Variants in ATL1 observed in about 807,000 individuals in gnomAD.
ATL1 encodes the protein atlastin-1.
A neutral mutation model predicts 75.5 loss-of-function variants in ATL1; 31 were observed. That is an observed-to-expected ratio of 0.41 (90% CI 0.31 to 0.55). ATL1 has a LOEUF of 0.55. Among genes scored for constraint, ATL1 ranks in the 20% least tolerant of loss-of-function variants. The probability of loss-of-function intolerance (pLI) is 0.27; values close to 1 mark genes in which losing one functional copy is unlikely to be tolerated. For synonymous variants in ATL1, 226 were observed against 233.3 expected (o/e 0.97, Z 0.28); for missense variants, 405 against 662.6 (o/e 0.61, Z 4.27).
chr14:50,535,920 A>G (rs1402403166), intron 1 of ATL1, among the ~76,000 whole-genome samples: 1 of 152,180 alleles, frequency 6.6e-6, no homozygotes, highest in African/African-American at 2.4e-5. Context: ...TTTTCATGAT[A>G]GTGAATAACT....
At chr14:50,590,607 A>G (rs1220733409) in intron 2 of ATL1, among the ~76,000 whole-genome samples, 1 of 152,156 alleles carries the variant, frequency 6.6e-6, no homozygotes, top group Non-Finnish European at 1.5e-5. Flanking sequence ...CTATGCTACC[A>G]TTTATGCATT....
chr14:50,632,363 G>A lies in ATL1; in HGVS notation c.*24G>A. The A allele has an allele frequency of 1.4e-6, 2 of 1,444,810 alleles. No individual in the cohort carries two copies. The highest frequency in any genetic ancestry group is 1.9e-6 in the Non-Finnish European group (2 of 1,027,724). 89.5% of individuals were successfully genotyped at this position (1,444,810 alleles called of 1,614,324 possible). A position where few individuals can be genotyped will look rare whatever the true frequency, so the allele number is the denominator to read the frequency against. On this transcript the variant is annotated 3_prime_UTR_variant, in exon 14 of 14. Coordinates refer to ENST00000358385, the MANE Select transcript of ATL1 (RefSeq NM_015915.5). ...AATGCAAATTTTAAGAAATACAGGTGCATGACCAATTGTCAATTAAATATT... is the reference window on the plus strand; with the variant it reads ...AATGCAAATTTTAAGAAATACAGGTACATGACCAATTGTCAATTAAATATT...
At chr14:50,627,090 T>G (rs115984249) in intron 11 of ATL1, among the ~76,000 whole-genome samples, 1 of 152,224 alleles carries the variant, frequency 6.6e-6, no homozygotes, top group Non-Finnish European at 1.5e-5. Flanking sequence ...CAAACTTTAC[T>G]GTTGTCATAT....
intron 11 of ATL1, among the ~76,000 whole-genome samples, chr14:50,624,118 G>A (rs551833625): frequency 5.9e-5 from 9 of 151,904 alleles, no homozygotes; most frequent in African/African-American, 2.2e-4. Context: ...GAAGGAAAAT[G>A]TAGTATATGG....
At chr14:50,598,928 G>A (rs2039246555) in intron 6 of ATL1, among the ~76,000 whole-genome samples, 1 of 152,152 alleles carries the variant, frequency 6.6e-6, no homozygotes, top group Admixed American at 6.5e-5. Flanking sequence ...ACTAAATACT[G>A]TAATAGAAGT....
At chr14:50,569,181 C>T (rs912255542) in intron 1 of ATL1, among the ~76,000 whole-genome samples, 2 of 150,616 alleles carry the variant, frequency 1.3e-5, no homozygotes, top group African/African-American at 5.0e-5. Flanking sequence ...ATGGCAAAAC[C>T]CTTTCTCCAC....
intron 1 of ATL1, among the ~76,000 whole-genome samples, chr14:50,574,937 G>GTGTA (rs1475087119): frequency 6.5e-4 from 15 of 23,156 alleles, no homozygotes; most frequent in East Asian, 1.3e-3. Flanking sequence ...GTGTGTGTGT[G>GTGTA]TATATATATA....
At chr14:50,587,077 CTG>C (rs1230293177) in intron 1 of ATL1, among the ~76,000 whole-genome samples, 2 of 152,120 alleles carry the variant, frequency 1.3e-5, no homozygotes, top group Admixed American at 1.3e-4. Flanking sequence ...GCTTGAGAAT[CTG>C]TGATTCTGAG....
chr14:50,549,733 A>G (rs2140158009), intron 1 of ATL1, among the ~76,000 whole-genome samples: 1 of 152,306 alleles, frequency 6.6e-6, no homozygotes, highest in East Asian at 1.9e-4. Flanking sequence ...TTCCACTACC[A>G]TATAACCCAA....
upstream of ATL1, among the ~76,000 whole-genome samples, chr14:50,557,667 T>C (rs572380398): frequency 6.6e-6 from 1 of 152,338 alleles, no homozygotes; most frequent in East Asian, 1.9e-4. Context: ...ATGTTTATAT[T>C]TTCATACTAT....
chr14:50,629,626 T>C (rs1465428780), intron 12 of ATL1, among the ~76,000 whole-genome samples: 2 of 148,786 alleles, frequency 1.3e-5, no homozygotes, highest in African/African-American at 2.5e-5. Flanking sequence ...CTTTATAACA[T>C]AATTGTAACG....
intron 10 of ATL1, among the ~76,000 whole-genome samples, chr14:50,622,758 A>C (rs2039480359): frequency 6.6e-6 from 1 of 152,174 alleles, no homozygotes; most frequent in Non-Finnish European, 1.5e-5. Flanking sequence ...TAAGTTCTTA[A>C]TAGTTCCTTT....
At chr14:50,539,455 T>C (rs2038534380) in intron 1 of ATL1, among the ~76,000 whole-genome samples, 1 of 152,164 alleles carries the variant, frequency 6.6e-6, no homozygotes, top group Non-Finnish European at 1.5e-5. Flanking sequence ...TTATCTCTCA[T>C]AGCTAAGGGG....
chr14:50,553,967 T>G (rs2038735307), intron 1 of ATL1, among the ~76,000 whole-genome samples: 2 of 151,930 alleles, frequency 1.3e-5, no homozygotes, highest in African/African-American at 4.8e-5. Flanking sequence ...GTCGGGAGGG[T>G]GAGCAATGGA....
At chr14:50,603,918 C>A (rs1309902957) in intron 6 of ATL1, among the ~76,000 whole-genome samples, 1 of 152,162 alleles carries the variant, frequency 6.6e-6, no homozygotes, top group Non-Finnish European at 1.5e-5. Flanking sequence ...AAATGCTTAT[C>A]TGGCTACATA....
intron 1 of ATL1, among the ~76,000 whole-genome samples, chr14:50,575,194 A>C (rs1382078282): frequency 6.6e-6 from 1 of 151,526 alleles, no homozygotes; most frequent in Non-Finnish European, 1.5e-5. Flanking sequence ...TGCCCTCATC[A>C]TCATGTCATT....
chr14:50,591,498 C>A, intron 3 of ATL1, 37 bp from the exon 4 acceptor site: 2 of 1,381,076 alleles, frequency 1.4e-6, no homozygotes, highest in South Asian at 2.3e-5. Flanking sequence ...CCTAGATGTT[C>A]TATAAAATAT....
intron 1 of ATL1, 117 bp downstream of exon 1, chr14:50,560,416 A>G: frequency 7.3e-7 from 1 of 1,364,062 alleles, no homozygotes; most frequent in South Asian, 1.3e-5. Context: ...CACGGCTGGG[A>G]GACGGGCCGT....
rs551912603 is a variant in ATL1 at position 50,623,876 on chromosome 14, C to T, written c.1119+628C>T. ...GACCAGTCTGGCCAACATGGTGAAACCCTCTCTCTACTAAAATAACAAAAA... is the reference window on the plus strand; with the variant it reads ...GACCAGTCTGGCCAACATGGTGAAATCCTCTCTCTACTAAAATAACAAAAA... On this transcript the variant is annotated intron_variant, in intron 11 of 13. Coordinates refer to ENST00000358385, the MANE Select transcript of ATL1 (RefSeq NM_015915.5). 8.6e-5 allele frequency among the ~76,000 whole-genome samples: 13 copies of T among 151,530 alleles called. No homozygotes were observed. The South Asian group carries it at 2.5e-3, about 29-fold the overall frequency.
Sources: allele counts gnomAD v4.1 joint callset (sites outside exome capture counted in the v4.1 genomes callset), GRCh38; gene constraint gnomAD v4.1.1; transcripts MANE v1.5; gene names NCBI Gene and HGNC (gene_info 2026-07-23, HGNC 2026-07-21).